Variants in EYS observed in about 807,000 individuals in gnomAD.
EYS encodes the protein protein eyes shut homolog.
A neutral mutation model predicts 282.1 loss-of-function variants in EYS; 250 were observed. The ratio of observed to expected loss-of-function variants is 0.89; its 90% CI spans 0.80 to 0.98. The LOEUF (loss-of-function observed/expected upper bound fraction) is 0.98, where lower values mean the gene tolerates loss of function less well. Among genes scored for constraint, EYS ranks in the 50% least tolerant of loss-of-function variants. The probability of loss-of-function intolerance (pLI) is 0.00; values close to 1 mark genes in which losing one functional copy is unlikely to be tolerated. For synonymous variants in EYS, 1,355 were observed against 1,282.9 expected (o/e 1.06, Z -1.20); for missense variants, 4,016 against 3,709.0 (o/e 1.08, Z -2.15).
intron 26 of EYS, among the ~76,000 whole-genome samples, chr6:64,551,733 C>T (rs964854010): frequency 3.4e-4 from 51 of 151,872 alleles, no homozygotes; most frequent in South Asian, 4.2e-4. Flanking sequence ...GACAGGGTTT[C>T]GCTAAAACTA....
chr6:64,477,656 C>A (rs780851803), intron 26 of EYS, among the ~76,000 whole-genome samples: 1 of 151,958 alleles, frequency 6.6e-6, no homozygotes, highest in African/African-American at 2.4e-5. Flanking sequence ...ATACTTTTCA[C>A]TAGAAATGAT....
chr6:65,379,871 C>T (rs147147318), intron 8 of EYS, among the ~76,000 whole-genome samples: 281 of 151,718 alleles, frequency 1.9e-3, no homozygotes, highest in African/African-American at 6.1e-3. Flanking sequence ...TTGAGAATTG[C>T]TACAAAGAGA....
intron 12 of EYS, among the ~76,000 whole-genome samples, chr6:65,146,957 C>T (rs1561990230): frequency 6.6e-6 from 1 of 151,960 alleles, no homozygotes; most frequent in Non-Finnish European, 1.5e-5. Context: ...TCATGTGACT[C>T]ATTGTCATTG....
intron 11 of EYS, among the ~76,000 whole-genome samples, chr6:65,312,362 G>A (rs771615821): frequency 1.1e-4 from 16 of 151,926 alleles, no homozygotes; most frequent in Non-Finnish European, 1.6e-4. Flanking sequence ...TCTGTCATCT[G>A]GGTTTAGGGT....
intron 2 of EYS, among the ~76,000 whole-genome samples, chr6:65,635,037 G>A (rs1286661532): frequency 6.6e-6 from 1 of 152,160 alleles, no homozygotes; most frequent in Non-Finnish European, 1.5e-5. Context: ...TAACTGAACT[G>A]ATCTAGTTTC....
At chr6:64,227,183 T>A (rs1766275434) in intron 31 of EYS, among the ~76,000 whole-genome samples, 2 of 152,036 alleles carry the variant, frequency 1.3e-5, no homozygotes, top group Non-Finnish European at 2.9e-5. Flanking sequence ...GTGAAATCAT[T>A]ATGAAAAGAT....
chr6:64,353,090 A>C (rs1771700247), intron 29 of EYS, among the ~76,000 whole-genome samples: 1 of 151,514 alleles, frequency 6.6e-6, no homozygotes, highest in African/African-American at 2.4e-5. Context: ...TACACACACA[A>C]AATAATTATA....
chr6:63,726,734 A>G, intron 41 of EYS, 54 bp from the exon 42 acceptor site: 1 of 1,445,800 alleles, frequency 6.9e-7, no homozygotes, highest in Non-Finnish European at 9.4e-7. Flanking sequence ...ATTAAAAAAC[A>G]TTGCTCATAA....
intron 12 of EYS, among the ~76,000 whole-genome samples, chr6:65,082,782 A>T (rs575920800): frequency 6.7e-6 from 1 of 149,348 alleles, no homozygotes; most frequent in Non-Finnish European, 1.5e-5. Flanking sequence ...TATATTAATC[A>T]TATCATAATT....
Position 63,871,968 on chromosome 6 carries a change from C to A in EYS, c.7056-7610G>T, listed in dbSNP as rs530529565. On this transcript the variant is annotated intron_variant, in intron 35 of 42. Coordinates refer to ENST00000503581, the MANE Select transcript of EYS (RefSeq NM_001142800.2). ...ATTACCACCAGGAGACAGCCCATGA[C>A]CCACCCAACTTTCCAGCTTCTAGGT... 3.9e-5 allele frequency among the ~76,000 whole-genome samples: 6 copies of A among 152,320 alleles called. No homozygotes were observed. In the South Asian group the frequency reaches 1.2e-3, roughly 32 times the overall value.
intron 22 of EYS, among the ~76,000 whole-genome samples, chr6:64,640,882 C>T (rs968351523): frequency 7.2e-5 from 11 of 152,084 alleles, no homozygotes; most frequent in Non-Finnish European, 1.2e-4. Context: ...CATTGGAACA[C>T]GAAGCTCAGA....
intron 1 of EYS, among the ~76,000 whole-genome samples, chr6:65,691,549 G>T (rs1769245039): frequency 1.3e-5 from 2 of 149,944 alleles, no homozygotes; most frequent in Non-Finnish European, 3.0e-5. Flanking sequence ...TCACTCTGAT[G>T]ATACTTTCTT....
At chr6:64,097,136 GC>G (rs1385228265) in intron 31 of EYS, among the ~76,000 whole-genome samples, 1 of 152,148 alleles carries the variant, frequency 6.6e-6, no homozygotes, top group African/African-American at 2.4e-5. Context: ...GGAGTACCCA[GC>G]CGTGTGAGAT....
chr6:64,815,402 C>T lies in EYS; in HGVS notation c.3244-1825G>A, dbSNP rs377365323. Among the ~76,000 whole-genome samples, 339 of 152,118 alleles carry T rather than the reference C, an allele frequency of 2.2e-3. 6 individuals carry two copies. The highest frequency in any genetic ancestry group is 7.6e-3 in the African/African-American group (317 of 41,548). On this transcript the variant is annotated intron_variant, in intron 21 of 42. Coordinates refer to ENST00000503581, the MANE Select transcript of EYS (RefSeq NM_001142800.2). Reference sequence around the variant, plus strand: ...GATTTATTAGAAAACATTACATAAACTAATTGAATTGTATCTCCCATGGGA... The same window carrying T: ...GATTTATTAGAAAACATTACATAAATTAATTGAATTGTATCTCCCATGGGA...
intron 2 of EYS, among the ~76,000 whole-genome samples, chr6:65,608,274 G>A (rs1016905609): frequency 1.3e-5 from 2 of 151,896 alleles, no homozygotes; most frequent in Non-Finnish European, 2.9e-5. Flanking sequence ...TGTATCACAT[G>A]GTAAGTATTT....
At chr6:65,122,672 A>G (rs1170399726) in intron 12 of EYS, among the ~76,000 whole-genome samples, 22 of 152,134 alleles carry the variant, frequency 1.4e-4, no homozygotes, top group Non-Finnish European at 2.9e-5. Context: ...ATGTGGAATA[A>G]TTAAACATTT....
At chr6:65,106,402 TAAA>T (rs1249216781) in intron 12 of EYS, among the ~76,000 whole-genome samples, 5 of 152,008 alleles carry the variant, frequency 3.3e-5, no homozygotes, top group African/African-American at 1.2e-4. Flanking sequence ...GTAGTGCCCT[TAAA>T]AGAAGAAAAC....
intron 35 of EYS, among the ~76,000 whole-genome samples, chr6:63,975,436 G>A (rs775804770): frequency 1.3e-4 from 20 of 151,924 alleles, no homozygotes; most frequent in Non-Finnish European, 2.5e-4. Flanking sequence ...AAACATGGAT[G>A]TTCTAGAAAA....
intron 13 of EYS, among the ~76,000 whole-genome samples, chr6:65,016,725 A>G (rs907531004): frequency 4.6e-5 from 7 of 152,196 alleles, no homozygotes; most frequent in African/African-American, 1.2e-4. Context: ...TTCTGCAGTA[A>G]TATCAAAGGA....
Sources: allele counts gnomAD v4.1 joint callset (sites outside exome capture counted in the v4.1 genomes callset), GRCh38; gene constraint gnomAD v4.1.1; transcripts MANE v1.5; gene names NCBI Gene and HGNC (gene_info 2026-07-23, HGNC 2026-07-21).